The following KCNK6 variants were observed in gnomAD, a reference collection of about 807,000 sequenced individuals.
KCNK6 encodes the protein potassium two pore domain channel subfamily K member 6.
In KCNK6, 20 loss-of-function variants were observed where a neutral mutation model predicts 21.9. That is an observed-to-expected ratio of 0.91 (90% CI 0.64 to 1.32). The LOEUF (loss-of-function observed/expected upper bound fraction) is 1.32. Ranked by LOEUF, KCNK6 falls within the 40% of genes most tolerant of loss-of-function variation. The pLI is 0.00. For synonymous variants in KCNK6, 210 were observed against 218.0 expected, an observed-to-expected ratio of 0.96 and a Z score of 0.32; for missense variants, 415 against 433.1, an observed-to-expected ratio of 0.96 and a Z score of 0.37.
rs1600427696 is a variant in KCNK6, at chr19:38,327,912, C to T, written c.*509C>T. 5.1e-6 allele frequency: 1 copy of T among 196,472 alleles called. No individual in the cohort carries two copies. The highest frequency in any genetic ancestry group is 1.1e-5 in the Non-Finnish European group (1 of 94,176). The allele number at this position is 196,472 out of a possible 1,614,324, so 12.2% of individuals were successfully genotyped here. ...AATAGAAGAATTTGCCCCTAAACCC[C>T]TCCTGTGTGCTGGCCCTGTGCTAGA... On this transcript the variant is annotated 3_prime_UTR_variant, in exon 3 of 3. Transcript: ENST00000263372.
At chr19:38,323,666 C>G (rs1969677331) in intron 1 of KCNK6, among the ~76,000 whole-genome samples, 2 of 152,198 alleles carry the variant, frequency 1.3e-5, no homozygotes, top group South Asian at 2.1e-4. Flanking sequence ...AGTGGCGCAG[C>G]CTTGACCTCC....
At chr19:38,323,396 G>A (rs1035918199) in intron 1 of KCNK6, among the ~76,000 whole-genome samples, 6 of 152,176 alleles carry the variant, frequency 3.9e-5, no homozygotes, top group African/African-American at 1.2e-4. Context: ...AATGCCCCTC[G>A]TTTGGTCATA....
Position 38,320,050 on chromosome 19 carries a change from G to A in KCNK6, c.100G>A (p.Ala34Thr), listed in dbSNP as rs1048352502. Residue 34 changes from alanine to threonine, a missense_variant, in exon 1 of 3, where the codon GCC becomes ACC. Ala to Thr is a moderately conservative substitution (Grantham distance 58, BLOSUM62 0). Transcript: ENST00000263372. ...GGCGCGGCTGGAGGGGCCGCACGAA[G>A]CCAGGCTCCGAGCCGAGCTGGAGAC... is the stretch of plus-strand genomic sequence containing the variant. ...LVARLEGPHEARLRAELETLR... is the reference protein window; with the variant it reads ...LVARLEGPHETRLRAELETLR... The A allele has an allele frequency of 7.9e-6, 12 of 1,510,570 alleles. No homozygotes were observed. The highest frequency in any genetic ancestry group is 1.1e-5 in the Non-Finnish European group (12 of 1,137,278). 93.6% of individuals were successfully genotyped at this position (1,510,570 alleles called of 1,614,324 possible). A position where few individuals can be genotyped will look rare whatever the true frequency, so the allele number is the denominator to read the frequency against.
At chr19:38,326,303 C>T (rs181237928) in intron 1 of KCNK6, among the ~76,000 whole-genome samples, 1 of 152,250 alleles carries the variant, frequency 6.6e-6, no homozygotes, top group Admixed American at 6.5e-5. Context: ...AACTCCAACA[C>T]CTTGGAAGGC....
chr19:38,326,084 T>C (rs937224265), intron 1 of KCNK6, among the ~76,000 whole-genome samples: 52 of 152,140 alleles, frequency 3.4e-4, no homozygotes, highest in Non-Finnish European at 1.0e-4. Context: ...GAGTGCGGCA[T>C]GAGTGACGAG....
intron 1 of KCNK6, chr19:38,325,209 C>CAGGTTCA (rs1969695632): frequency 6.4e-6 from 1 of 156,842 alleles, no homozygotes; most frequent in African/African-American, 2.4e-5. Context: ...CTCCACCTCC[C>CAGGTTCA]AGGTTCAAGT....
chr19:38,320,013 C>T lies in KCNK6; in HGVS notation c.63C>T (p.Gly21=). 1 of 1,490,596 alleles carries T rather than the reference C, an allele frequency of 6.7e-7. No individual in the cohort carries two copies. The highest frequency in any genetic ancestry group is 1.3e-5 in the South Asian group (1 of 78,772). 92.3% of individuals were successfully genotyped at this position (1,490,596 alleles called of 1,614,324 possible). A position where few individuals can be genotyped will look rare whatever the true frequency, so the allele number is the denominator to read the frequency against. Residue 21 remains glycine (G), a synonymous_variant, in exon 1 of 3, where the codon GGC becomes GGT. Coordinates refer to ENST00000263372, the MANE Select transcript of KCNK6 (RefSeq NM_004823.3). ...LAAYAAYLVL[G]ALLVARLEGP... ...CGTACGCCGCGTACCTGGTGCTGGGCGCGCTGTTGGTGGCGCGGCTGGAGG... is the reference window on the plus strand; with the variant it reads ...CGTACGCCGCGTACCTGGTGCTGGGTGCGCTGTTGGTGGCGCGGCTGGAGG...
chr19:38,320,926 C>T (rs1021647760), intron 1 of KCNK6, among the ~76,000 whole-genome samples: 9 of 152,114 alleles, frequency 5.9e-5, no homozygotes, highest in Non-Finnish European at 1.3e-4. Context: ...CTAGGACTGT[C>T]CTCAGAGACC....
intron 2 of KCNK6, 22 bp from the exon 3 acceptor site, chr19:38,327,158 C>G (rs778972085): frequency 6.2e-7 from 1 of 1,606,974 alleles, no homozygotes; most frequent in Non-Finnish European, 8.5e-7. Context: ...GGATGACCAA[C>G]GCCCCTTCTC....
chr19:38,320,415 A>G, intron 1 of KCNK6, 143 bp downstream of exon 1: 1 of 870,266 alleles, frequency 1.1e-6, no homozygotes, highest in Non-Finnish European at 1.7e-6. Flanking sequence ...CCCAGTGAGG[A>G]CCCGGGACCC....
rs927740655 is a variant in KCNK6 at position 38,327,682 on chromosome 19, G to A, written c.*279G>A. On this transcript the variant is annotated 3_prime_UTR_variant, in exon 3 of 3. Transcript: ENST00000263372. ...GTCTCTCTGGCTCTCTGGCATTCTC[G>A]CTGCCTCTGTCTTTCCCTCTTGCTG... The A allele has an allele frequency of 3.3e-5, 16 of 485,070 alleles. No individual in the cohort carries two copies. Among genetic ancestry groups the A allele is most frequent in the East Asian group, 1.5e-4 (4 of 27,338 alleles). The allele number at this position is 485,070 out of a possible 1,614,324, so 30.0% of individuals were successfully genotyped here.
chr19:38,325,955 C>T (rs920073366), intron 1 of KCNK6, among the ~76,000 whole-genome samples: 15 of 151,968 alleles, frequency 9.9e-5, no homozygotes, highest in African/African-American at 3.6e-4. Context: ...AAGGGAGACC[C>T]AGGAGGAGGC....
Position 38,327,229 on chromosome 19 carries a change from C to T in KCNK6, c.768C>T (p.Phe256=). ...LVAMVLVLQT[F]RHVSDLHGLT... is the part of the protein sequence containing the mutation. Reference sequence around the variant, plus strand: ...CCATGGTGCTGGTGCTGCAGACCTTCCGCCACGTGTCCGACCTCCACGGCC... The same window carrying T: ...CCATGGTGCTGGTGCTGCAGACCTTTCGCCACGTGTCCGACCTCCACGGCC... Residue 256 remains phenylalanine (F), a synonymous_variant, in exon 3 of 3, where the codon TTC becomes TTT. Transcript: ENST00000263372. 6.2e-7 allele frequency: 1 copy of T among 1,613,550 alleles called. No homozygotes were observed. The highest frequency in any genetic ancestry group is 8.5e-7 in the Non-Finnish European group (1 of 1,180,038).
intron 1 of KCNK6, among the ~76,000 whole-genome samples, chr19:38,323,410 C>A (rs1194960908): frequency 3.3e-5 from 5 of 152,176 alleles, no homozygotes; most frequent in Admixed American, 6.5e-5. Flanking sequence ...GGTCATAGGC[C>A]CAAATCTTGG....
intron 1 of KCNK6, among the ~76,000 whole-genome samples, chr19:38,323,832 G>A (rs767164164): frequency 9.9e-5 from 15 of 152,228 alleles, no homozygotes; most frequent in Admixed American, 4.6e-4. Flanking sequence ...AGGCTCAAGC[G>A]GTTCTCCTGC....
At position 38,327,646 on chromosome 19, in the gene KCNK6, C is replaced by T. The variant is rs1969727685; in HGVS notation, c.*243C>T. On this transcript the variant is annotated 3_prime_UTR_variant, in exon 3 of 3. Transcript: ENST00000263372. The stretch of plus-strand genomic sequence containing the variant: ...TGTTCTCTGTCCTTTCTCTCATCCT[C>T]TTTACACTGTGTCTCTCTGGCTCTC... 1.8e-6 allele frequency: 1 copy of T among 564,252 alleles called. No homozygotes were observed. Among genetic ancestry groups the T allele is most frequent in the Non-Finnish European group, 3.2e-6 (1 of 314,470 alleles). 35.0% of individuals were successfully genotyped at this position (564,252 alleles called of 1,614,324 possible). A position where few individuals can be genotyped will look rare whatever the true frequency, so the allele number is the denominator to read the frequency against.
Position 38,326,891 on chromosome 19 carries a change from C to T in KCNK6, c.621C>T (p.Phe207=), listed in dbSNP as rs773948500. ...GGAGCTTCTTGGATGCCTTCTACTTCTGCTTTATCTCTCTGTCCACCATCG... is the reference window on the plus strand; with the variant it reads ...GGAGCTTCTTGGATGCCTTCTACTTTTGCTTTATCTCTCTGTCCACCATCG... ...EAWSFLDAFY[F]CFISLSTIGL... The change falls in exon 2 of 3, where the codon TTC becomes TTT. Residue 207 remains phenylalanine, a synonymous_variant. Transcript: ENST00000263372. 5 of 1,611,862 alleles carry T rather than the reference C, an allele frequency of 3.1e-6. No individual in the cohort carries two copies. The Admixed American group carries it at 6.7e-5, about 21-fold the overall frequency.
Position 38,319,876 on chromosome 19 carries a change from T to C in KCNK6, c.-75T>C, listed in dbSNP as rs1969625482. On this transcript the variant is annotated 5_prime_UTR_variant, in exon 1 of 3. Coordinates refer to ENST00000263372, the MANE Select transcript of KCNK6 (RefSeq NM_004823.3). Reference sequence around the variant, plus strand: ...CCTGTAGCACTCCCGGAACTGGAACTAGGTGCCAGACGGTCCGGAGGCGGG... The same window carrying C: ...CCTGTAGCACTCCCGGAACTGGAACCAGGTGCCAGACGGTCCGGAGGCGGG... The C allele has an allele frequency of 1.2e-5, 15 of 1,298,458 alleles. No individual in the cohort carries two copies. Among genetic ancestry groups the C allele is most frequent in the Non-Finnish European group, 1.4e-5 (14 of 1,014,508 alleles). The allele number at this position is 1,298,458 out of a possible 1,614,324, so 80.4% of individuals were successfully genotyped here.
In KCNK6 at chr19:38,326,586, C is replaced by T; in HGVS notation, c.323-7C>T. The stretch of plus-strand genomic sequence containing the variant: ...AGATTTACCCTTTACTCTCTTTACT[C>T]CCCTAGGCTATGGGTACACAACGCC... On this transcript the variant is annotated splice_polypyrimidine_tract_variant and splice_region_variant and intron_variant, in intron 1 of 2. Transcript: ENST00000263372. 6.2e-7 allele frequency: 1 copy of T among 1,603,036 alleles called. No individual in the cohort carries two copies. The highest frequency in any genetic ancestry group is 8.5e-7 in the Non-Finnish European group (1 of 1,174,772).
Sources: allele counts gnomAD v4.1 joint callset (sites outside exome capture counted in the v4.1 genomes callset), GRCh38; gene constraint gnomAD v4.1.1; transcripts MANE v1.5; gene names NCBI Gene and HGNC (gene_info 2026-07-23, HGNC 2026-07-21).